DENND4C: variants seen among roughly 807,000 people sequenced by gnomAD.
DENND4C encodes the protein DENN domain containing 4C, also known as DENN domain-containing protein 4C.
Under a neutral mutation model 203.0 loss-of-function variants are expected in DENND4C, and 108 were observed. That is an observed-to-expected ratio of 0.53 (90% CI 0.46 to 0.62). The LOEUF is 0.62. Ranked by LOEUF, DENND4C falls within the 20% of genes least tolerant of loss-of-function variation. The pLI, the probability that DENND4C is intolerant of heterozygous loss-of-function variation, is 0.00. For missense variants in DENND4C, 2,481 were observed against 2,301.2 expected, an observed-to-expected ratio of 1.08 and a Z score of -1.60; for synonymous variants, 871 against 792.4, an observed-to-expected ratio of 1.10 and a Z score of -1.67.
At chr9:19,233,961 T>G (rs989744409) in intron 1 of DENND4C, among the ~76,000 whole-genome samples, 2 of 152,150 alleles carry the variant, frequency 1.3e-5, no homozygotes, top group African/African-American at 4.8e-5. Flanking sequence ...CTCTCCCCTA[T>G]CTAACACTTA....
At chr9:19,304,023 A>T (rs1839132035) in intron 9 of DENND4C, among the ~76,000 whole-genome samples, 1 of 150,004 alleles carries the variant, frequency 6.7e-6, no homozygotes, top group African/African-American at 2.5e-5. Context: ...AGTCTTTTTT[A>T]AAAAACATCA....
intron 1 of DENND4C, among the ~76,000 whole-genome samples, chr9:19,263,343 G>T (rs1382117572): frequency 6.6e-6 from 1 of 151,896 alleles, no homozygotes; most frequent in Admixed American, 6.6e-5. Context: ...TTTGCTTGTT[G>T]TTTTTTGTTT....
Position 19,342,717 on chromosome 9 carries a change from G to T in DENND4C, c.3089G>T (p.Gly1030Val), listed in dbSNP as rs767048911. The stretch of plus-strand genomic sequence containing the variant: ...AGTCCTACTGAACCTCCTGCATGGG[G>T]CAGCAGTATTGTGAAAGTTCCGTCT... ...PHSPTEPPAW[G>V]SSIVKVPSGI... Residue 1030 changes from glycine (G) to valine (V), a missense_variant, in exon 22 of 33, where the codon GGC becomes GTC. Physicochemically the swap from Gly to Val is moderately radical, Grantham distance 109. Coordinates refer to ENST00000434457, the MANE Select transcript of DENND4C (RefSeq NM_001330640.2). The T allele has an allele frequency of 2.5e-6, 4 of 1,612,994 alleles. No homozygotes were observed. Among genetic ancestry groups the T allele is most frequent in the South Asian group, 2.2e-5 (2 of 90,872 alleles).
Position 19,346,045 on chromosome 9 carries a change from G to T in DENND4C, c.3276G>T (p.Arg1092Ser). The T allele has an allele frequency of 6.2e-7, 1 of 1,614,140 alleles. No homozygotes were observed. The highest frequency in any genetic ancestry group is 8.5e-7 in the Non-Finnish European group (1 of 1,180,028). The change falls in exon 23 of 33, where the codon AGG (arginine) becomes AGT (serine). Residue 1092 changes from arginine (R) to serine (S), a missense_variant. This residue lies in a region of DENND4C where 2,289 missense variants were observed against 2,113.3 expected (regional missense o/e 1.08). Transcript: ENST00000434457. ...GEKRQKHFPE[R>S]SCSFSSESRA... ...AAAGACAAAAGCATTTTCCTGAGAG[G>T]AGTTGTAGTTTTAGTTCTGAAAGTC...
At chr9:19,360,211 A>G (rs972874053) in intron 28 of DENND4C, 33 bp from the exon 29 acceptor site, 1 of 1,597,780 alleles carries the variant, frequency 6.3e-7, no homozygotes, top group Middle Eastern at 1.7e-4. Flanking sequence ...ATTTAAACAG[A>G]TAATATTAAT....
chr9:19,338,031 T>C (rs1329691234), intron 20 of DENND4C, among the ~76,000 whole-genome samples: 1 of 152,226 alleles, frequency 6.6e-6, no homozygotes, highest in Non-Finnish European at 1.5e-5. Flanking sequence ...GCTGAATTCT[T>C]GTGCTAAAAA....
chr9:19,296,315 A>G, intron 6 of DENND4C, 69 bp downstream of exon 6: 2 of 1,109,582 alleles, frequency 1.8e-6, no homozygotes, highest in Non-Finnish European at 1.3e-6. Context: ...TTGTTTGTGT[A>G]ATTTTTAGCA....
intron 23 of DENND4C, among the ~76,000 whole-genome samples, chr9:19,350,182 T>G (rs1823764534): frequency 6.6e-6 from 1 of 152,244 alleles, no homozygotes; most frequent in Non-Finnish European, 1.5e-5. Flanking sequence ...TTGATATTTG[T>G]TATTCTGAAC....
intron 12 of DENND4C, among the ~76,000 whole-genome samples, chr9:19,321,751 G>T (rs1398059064): frequency 6.7e-6 from 1 of 149,766 alleles, no homozygotes; most frequent in Non-Finnish European, 1.5e-5. Flanking sequence ...AGAATCACTC[G>T]AACCTGGGAG....
intron 10 of DENND4C, among the ~76,000 whole-genome samples, chr9:19,307,781 A>G (rs1839986162): frequency 6.6e-6 from 1 of 151,374 alleles, no homozygotes; most frequent in Non-Finnish European, 1.5e-5. Flanking sequence ...AAAAAAAAAA[A>G]AAAAAGAAAA....
chr9:19,253,415 A>G (rs1451652533), intron 1 of DENND4C, among the ~76,000 whole-genome samples: 1 of 152,210 alleles, frequency 6.6e-6, no homozygotes, highest in Non-Finnish European at 1.5e-5. Flanking sequence ...ATGGTAGAGA[A>G]TTAAACTAAC....
chr9:19,290,857 C>G lies in DENND4C; in HGVS notation c.782C>G (p.Thr261Arg). ...CCAGTTTTTTCAACTTTTGTCTTGA[C>G]AGGTTCTTCAGCCAAAAAGGTATGT... The part of the protein sequence containing the change: ...PLPVFSTFVL[T>R]GSSAKKVYGA... Residue 261 changes from threonine to arginine, a missense_variant, in exon 5 of 33, where the codon ACA becomes AGA. Transcript: ENST00000434457. 6.2e-7 allele frequency: 1 copy of G among 1,613,300 alleles called. No homozygotes were observed. Among genetic ancestry groups the G allele is most frequent in the Non-Finnish European group, 8.5e-7 (1 of 1,179,628 alleles).
At chr9:19,234,463 C>G (rs1298939433) in intron 1 of DENND4C, among the ~76,000 whole-genome samples, 1 of 150,820 alleles carries the variant, frequency 6.6e-6, no homozygotes, top group Non-Finnish European at 1.5e-5. Context: ...ATCTCCTGAA[C>G]TCGTTATCCA....
intron 1 of DENND4C, among the ~76,000 whole-genome samples, chr9:19,249,752 G>A (rs1460294109): frequency 1.3e-5 from 2 of 152,098 alleles, no homozygotes; most frequent in African/African-American, 4.8e-5. Context: ...TGGCACTTAC[G>A]GCTCAAACAA....
intron 6 of DENND4C, 120 bp from the exon 7 acceptor site, chr9:19,297,936 A>G (rs1416193334): frequency 6.7e-6 from 5 of 746,648 alleles, no homozygotes; most frequent in East Asian, 2.8e-5. Context: ...CTTAGCCTAC[A>G]TTTTAGATAA....
At chr9:19,342,091 T>TC (rs1445677095) in intron 21 of DENND4C, among the ~76,000 whole-genome samples, 1 of 141,346 alleles carries the variant, frequency 7.1e-6, no homozygotes, top group Non-Finnish European at 1.5e-5. Flanking sequence ...GCCATTGCAC[T>TC]CTAGCCTGGG....
chr9:19,248,340 A>G (rs1237242870), intron 1 of DENND4C, among the ~76,000 whole-genome samples: 1 of 151,934 alleles, frequency 6.6e-6, no homozygotes, highest in African/African-American at 2.4e-5. Context: ...TTATTGTCAT[A>G]TGATTTGCTT....
At chr9:19,274,838 G>A (rs1255312164) in intron 1 of DENND4C, among the ~76,000 whole-genome samples, 1 of 152,092 alleles carries the variant, frequency 6.6e-6, no homozygotes, top group Non-Finnish European at 1.5e-5. Context: ...GACTGATGAT[G>A]CACTCAATTT....
Position 19,230,820 on chromosome 9 carries a change from G to A in DENND4C, c.-31G>A, listed in dbSNP as rs576561537. 1.3e-5 allele frequency: 2 copies of A among 152,648 alleles called. No individual in the cohort carries two copies. The highest frequency in any genetic ancestry group is 2.4e-5 in the African/African-American group (1 of 41,592). 9.5% of individuals were successfully genotyped at this position (152,648 alleles called of 1,614,324 possible). A position where few individuals can be genotyped will look rare whatever the true frequency, so the allele number is the denominator to read the frequency against. Reference sequence around the variant, plus strand: ...GCCGTGTCGGGGCTGCGCTGACAGAGGAGCAGGCAGCAGGTGAGGCTGCGG... The same window carrying A: ...GCCGTGTCGGGGCTGCGCTGACAGAAGAGCAGGCAGCAGGTGAGGCTGCGG... On this transcript the variant is annotated 5_prime_UTR_variant, in exon 1 of 33. Transcript: ENST00000434457.
Sources: gnomAD v4.1 joint callset for allele counts (sites outside exome capture counted in the v4.1 genomes callset) on GRCh38, gnomAD v4.1.1 for gene constraint, gnomAD v4.1.1 regional missense constraint, MANE v1.5 for transcripts, NCBI Gene and HGNC (gene_info 2026-07-23, HGNC 2026-07-21) for gene names.